HERC5: variants seen among roughly 807,000 people sequenced by gnomAD.
HERC5 encodes HECT and RLD domain containing E3 ubiquitin protein ligase 5.
HERC5 carries 99 observed loss-of-function variants against 119.6 expected under a neutral mutation model. The ratio of observed to expected loss-of-function variants is 0.83; its 90% CI spans 0.70 to 0.98. The LOEUF is 0.98. Ranked by LOEUF, HERC5 falls within the 50% of genes least tolerant of loss-of-function variation. The probability of loss-of-function intolerance (pLI) is 0.00; values close to 1 mark genes in which losing one functional copy is unlikely to be tolerated. For missense variants in HERC5, 1,267 were observed against 1,241.3 expected (o/e 1.02, Z -0.31); for synonymous variants, 478 against 445.9 (o/e 1.07, Z -0.91).
Position 88,459,580 on chromosome 4 carries a change from G to A in HERC5, c.389+110G>A, listed in dbSNP as rs145883437. ...CCTGCTTTATATAGTAGCATCTTAA[G>A]TAAATAATAAATTCTGAACTGACCA... On this transcript the variant is annotated intron_variant, in intron 2 of 22. Coordinates refer to ENST00000264350, the MANE Select transcript of HERC5 (RefSeq NM_016323.4). 3.6e-4 allele frequency: 242 copies of A among 681,392 alleles called. 1 individual carries two copies. In the African/African-American group the frequency reaches 4.2e-3, roughly 12 times the overall value. The allele number at this position is 681,392 out of a possible 1,614,324, so 42.2% of individuals were successfully genotyped here.
At chr4:88,457,615 T>C in intron 1 of HERC5, 81 bp downstream of exon 1, 1 of 1,157,130 alleles carries the variant, frequency 8.6e-7, no homozygotes, top group Non-Finnish European at 1.1e-6. Flanking sequence ...CAGCCGGGGG[T>C]CCGCGCCTGA....
At chr4:88,472,580 GT>G (rs1740911261) in intron 11 of HERC5, 78 bp downstream of exon 11, 2 of 876,304 alleles carry the variant, frequency 2.3e-6, no homozygotes, top group South Asian at 2.9e-5. Flanking sequence ...CAGAAGAAAT[GT>G]TTTGTGTTAA....
At chr4:88,485,297 T>C (rs1741420412) in intron 13 of HERC5, among the ~76,000 whole-genome samples, 1 of 152,132 alleles carries the variant, frequency 6.6e-6, no homozygotes, top group South Asian at 2.1e-4. Context: ...CCAGGAACCA[T>C]GAAGATGAAG....
intron 17 of HERC5, among the ~76,000 whole-genome samples, chr4:88,493,884 G>C (rs181435184): frequency 9.0e-4 from 136 of 151,508 alleles, no homozygotes; most frequent in African/African-American, 3.2e-3. Flanking sequence ...AAAGTTCTGG[G>C]ATTACAAGCG....
chr4:88,483,821 C>T (rs1262160251), intron 13 of HERC5, among the ~76,000 whole-genome samples: 4 of 152,142 alleles, frequency 2.6e-5, no homozygotes, highest in Non-Finnish European at 2.9e-5. Flanking sequence ...TGAGCCATTG[C>T]GCCTGGCCTT....
intron 3 of HERC5, 107 bp downstream of exon 3, chr4:88,460,278 T>C: frequency 1.9e-6 from 1 of 529,748 alleles, no homozygotes; most frequent in Non-Finnish European, 3.4e-6. Flanking sequence ...AAATACAGTT[T>C]TGAATTTGAT....
At chr4:88,464,029 C>T (rs1361036510) in intron 6 of HERC5, 44 bp downstream of exon 6, 1 of 1,509,064 alleles carries the variant, frequency 6.6e-7, no homozygotes, top group Non-Finnish European at 9.0e-7. Context: ...ATGAGTGCAG[C>T]AAACTAGATA....
rs753444883 is a variant in HERC5, at chr4:88,463,851, T to C, written c.781-4T>C. Reference sequence around the variant, plus strand: ...GCATCTGATATGACATTCCCTTTCCTTAGGATGGGCTGCTGTTTACTTTCG... The same window carrying C: ...GCATCTGATATGACATTCCCTTTCCCTAGGATGGGCTGCTGTTTACTTTCG... On this transcript the variant is annotated splice_polypyrimidine_tract_variant and splice_region_variant and intron_variant, in intron 5 of 22. Coordinates refer to ENST00000264350, the MANE Select transcript of HERC5 (RefSeq NM_016323.4). The C allele has an allele frequency of 6.2e-7, 1 of 1,613,470 alleles. No individual in the cohort carries two copies. Among genetic ancestry groups the C allele is most frequent in the African/African-American group, 1.3e-5 (1 of 74,900 alleles).
At chr4:88,493,436 C>G (rs1297903050) in intron 17 of HERC5, among the ~76,000 whole-genome samples, 2 of 152,016 alleles carry the variant, frequency 1.3e-5, no homozygotes, top group Non-Finnish European at 2.9e-5. Context: ...GGTACTCATT[C>G]TTTGTGTCAG....
chr4:88,457,668 A>G, intron 1 of HERC5, 134 bp downstream of exon 1: 1 of 1,022,634 alleles, frequency 9.8e-7, no homozygotes, highest in Non-Finnish European at 1.3e-6. Context: ...CCTGGCTCGG[A>G]TAGTTTCGCC....
chr4:88,485,167 A>C (rs1365773224), intron 13 of HERC5, among the ~76,000 whole-genome samples: 1 of 152,216 alleles, frequency 6.6e-6, no homozygotes, highest in African/African-American at 2.4e-5. Flanking sequence ...GGAGAATCAC[A>C]AGAAATACTG....
chr4:88,479,919 T>A (rs1291127782), intron 13 of HERC5, among the ~76,000 whole-genome samples: 1 of 151,830 alleles, frequency 6.6e-6, no homozygotes, highest in Non-Finnish European at 1.5e-5. Flanking sequence ...TACAGAAAAT[T>A]AGCTGGGCGT....
chr4:88,472,461 A>G lies in HERC5; in HGVS notation c.1351A>G (p.Ile451Val). The G allele has an allele frequency of 3.1e-6, 5 of 1,603,960 alleles. No homozygotes were observed. The highest frequency in any genetic ancestry group is 4.3e-6 in the Non-Finnish European group (5 of 1,172,444). The change falls in exon 11 of 23, where the codon ATC becomes GTC. Residue 451 changes from isoleucine to valine, a missense_variant. Ile to Val is a conservative substitution (Grantham distance 29). Transcript: ENST00000264350. ...VYLDLNKARN[I>V]FKELTQKDWI... ...TTTGGACTTAAATAAAGCAAGAAAC[A>G]TCTTCAAGGAGTTAACCCAAAAGGA...
At position 88,498,385 on chromosome 4, in the gene HERC5, A is replaced by T. The variant is rs10049671; in HGVS notation, c.2445-1541A>T. Reference sequence around the variant, plus strand: ...GGCTGCCTGGAAACTTAGGAGCCCAACCCCAAACCCAGTGTGTCCTGAAAG... The same window carrying T: ...GGCTGCCTGGAAACTTAGGAGCCCATCCCCAAACCCAGTGTGTCCTGAAAG... On this transcript the variant is annotated intron_variant, in intron 18 of 22. Coordinates refer to ENST00000264350, the MANE Select transcript of HERC5 (RefSeq NM_016323.4). 1.7e-3 allele frequency among the ~76,000 whole-genome samples: 263 copies of T among 152,292 alleles called. 1 individual carries two copies. Among genetic ancestry groups the T allele is most frequent in the African/African-American group, 6.0e-3 (251 of 41,564 alleles).
chr4:88,478,168 C>G (rs1741149899), intron 12 of HERC5, among the ~76,000 whole-genome samples: 1 of 152,110 alleles, frequency 6.6e-6, no homozygotes. Context: ...TTGTAGCTCA[C>G]TGTAATCTTT....
At chr4:88,496,056 C>T (rs1311203856) in intron 18 of HERC5, among the ~76,000 whole-genome samples, 8 of 152,148 alleles carry the variant, frequency 5.3e-5, no homozygotes, top group Non-Finnish European at 1.0e-4. Context: ...TATCTGTTAG[C>T]AGAGCATTCC....
intron 6 of HERC5, 129 bp downstream of exon 6, chr4:88,464,114 A>G (rs1223327928): frequency 1.3e-5 from 8 of 632,438 alleles, no homozygotes; most frequent in Non-Finnish European, 1.9e-5. Context: ...TGCTTAATTT[A>G]TATTATTTAG....
chr4:88,500,088 C>A (rs1741905050), intron 19 of HERC5, 96 bp downstream of exon 19: 3 of 732,772 alleles, frequency 4.1e-6, no homozygotes, highest in Admixed American at 2.7e-5. Context: ...AAAAAAAAAA[C>A]CTGAATAAAT....
chr4:88,473,790 T>A (rs1025920509), intron 11 of HERC5: 1 of 152,220 alleles, frequency 6.6e-6, no homozygotes, highest in Non-Finnish European at 1.5e-5. Flanking sequence ...ATAGAAGCCC[T>A]TTTGTGCGTC....
Sources: allele counts gnomAD v4.1 joint callset (sites outside exome capture counted in the v4.1 genomes callset), GRCh38; gene constraint gnomAD v4.1.1; transcripts MANE v1.5; gene names NCBI Gene and HGNC (gene_info 2026-07-23, HGNC 2026-07-21).